The following NBN variants were observed in gnomAD, a reference collection of about 807,000 sequenced individuals.
The protein encoded by NBN is nibrin.
In NBN, 88 loss-of-function variants were observed where a neutral mutation model predicts 90.8. The observed-to-expected ratio is 0.97, with a 90% CI of 0.82 to 1.16. The LOEUF (loss-of-function observed/expected upper bound fraction) is 1.16. Among genes scored for constraint, NBN ranks in the 50% most tolerant of loss-of-function variants. The pLI, the probability that NBN is intolerant of heterozygous loss-of-function variation, is 0.00. For synonymous variants in NBN, 328 were observed against 295.1 expected (o/e 1.11, Z -1.14); for missense variants, 894 against 869.6 (o/e 1.03, Z -0.35).
At chr8:89,950,382 T>C (rs1407207600) in intron 11 of NBN, among the ~76,000 whole-genome samples, 1 of 152,228 alleles carries the variant, frequency 6.6e-6, no homozygotes, top group Admixed American at 6.5e-5. Flanking sequence ...AAGTGCTACG[T>C]AAGTAGTTGT....
chr8:89,974,692 G>C (rs1811673510), intron 5 of NBN, among the ~76,000 whole-genome samples: 1 of 152,178 alleles, frequency 6.6e-6, no homozygotes, highest in East Asian at 1.9e-4. Flanking sequence ...CACTGAACTT[G>C]GGAAACCACC....
rs1228430885 is a variant in NBN, at chr8:89,982,711, T to G, written c.171+11A>C. The G allele has an allele frequency of 6.2e-7, 1 of 1,609,828 alleles. No homozygotes were observed. Among genetic ancestry groups the G allele is most frequent in the Non-Finnish European group, 8.5e-7 (1 of 1,176,176 alleles). ...TTACTGGAAACTAGTGAAATAAAAT[T>G]AGTAACATACCAGGTTGGTTACAGA... is the stretch of plus-strand genomic sequence containing the variant. On this transcript the variant is annotated intron_variant, in intron 2 of 15. Transcript: ENST00000265433.
intron 15 of NBN, among the ~76,000 whole-genome samples, chr8:89,936,756 TACA>T (rs1809703357): frequency 6.6e-6 from 1 of 152,188 alleles, no homozygotes; most frequent in East Asian, 1.9e-4. Flanking sequence ...CACAAATCTA[TACA>T]ACAATTTCAC....
intron 7 of NBN, 84 bp downstream of exon 7, chr8:89,970,280 C>G (rs1195468396): frequency 3.3e-6 from 4 of 1,206,062 alleles, no homozygotes; most frequent in Non-Finnish European, 3.6e-6. Flanking sequence ...TCTACTTTTA[C>G]ATTGTTAGGT....
chr8:89,984,655 C>G lies in NBN; in HGVS notation c.-94G>C. The stretch of plus-strand genomic sequence containing the variant: ...ACGGCGCCTGCGGTCGGCATGGGCT[C>G]CGGGACGTGCGCGCTCCCGGGAGCC... On this transcript the variant is annotated 5_prime_UTR_variant, in exon 1 of 16. Coordinates refer to ENST00000265433, the MANE Select transcript of NBN (RefSeq NM_002485.5). 1 of 1,558,978 alleles carries G rather than the reference C, an allele frequency of 6.4e-7. No individual in the cohort carries two copies. The highest frequency in any genetic ancestry group is 8.7e-7 in the Non-Finnish European group (1 of 1,148,966).
rs769453547 is a variant in NBN, at chr8:89,955,526, T to C, written c.1154A>G (p.Lys385Arg). The stretch of plus-strand genomic sequence containing the variant: ...GAATTTTTGTTCCATTTTGGAGACT[T>C]TGATTTCTTTTGGCCTTTCACTCAA... Reference protein sequence around the residue: ...WDLSERPKEIKVSKMEQKFRM... With the variant: ...WDLSERPKEIRVSKMEQKFRM... The change falls in exon 10 of 16, where the codon AAA (lysine) becomes AGA (arginine). Residue 385 changes from lysine to arginine, a missense_variant. Coordinates refer to ENST00000265433, the MANE Select transcript of NBN (RefSeq NM_002485.5). 3 of 1,613,422 alleles carry C rather than the reference T, an allele frequency of 1.9e-6. No individual in the cohort carries two copies. Among genetic ancestry groups the C allele is most frequent in the Admixed American group, 3.3e-5 (2 of 59,914 alleles).
At position 89,971,231 on chromosome 8, in the gene NBN, C is replaced by T. The variant is rs61753718; in HGVS notation, c.644G>A (p.Arg215Gln). 42 of 1,613,014 alleles carry T rather than the reference C, an allele frequency of 2.6e-5. No homozygotes were observed. The highest frequency in any genetic ancestry group is 3.4e-5 in the Non-Finnish European group (40 of 1,179,488). The change falls in exon 6 of 16, where the codon CGG (arginine) becomes CAG (glutamine). Residue 215 changes from arginine to glutamine, a missense_variant. Physicochemically the swap from Arg to Gln is conservative, Grantham distance 43 (BLOSUM62 1). Coordinates refer to ENST00000265433, the MANE Select transcript of NBN (RefSeq NM_002485.5). ...TTTGAAGATTTGTTTTCTTTCCTGC[C>T]GTCCTGACAGATCAACATTTTTACT... ...IGSKNVDLSG[R>Q]QERKQIFKGK...
At chr8:89,939,335 T>A (rs1049294336) in intron 14 of NBN, among the ~76,000 whole-genome samples, 1 of 152,082 alleles carries the variant, frequency 6.6e-6, no homozygotes, top group Non-Finnish European at 1.5e-5. Context: ...AAGTCTGTTA[T>A]AGAGTAAGTC....
At chr8:89,939,832 GTAAACAACCTAA>G (rs1563502319) in intron 14 of NBN, among the ~76,000 whole-genome samples, 2 of 152,098 alleles carry the variant, frequency 1.3e-5, no homozygotes, top group Non-Finnish European at 2.9e-5. Flanking sequence ...AACAAATTAG[GTAAACAACCTAA>G]TAATGCTAGG....
At chr8:89,977,488 G>C (rs1563572454) in intron 5 of NBN, among the ~76,000 whole-genome samples, 1 of 152,100 alleles carries the variant, frequency 6.6e-6, no homozygotes, top group Non-Finnish European at 1.5e-5. Flanking sequence ...TGGGCATTTG[G>C]GTTGGTTCCA....
chr8:89,970,261 A>T (rs1255924415), intron 7 of NBN, 103 bp downstream of exon 7: 19 of 1,052,656 alleles, frequency 1.8e-5, no homozygotes, highest in Non-Finnish European at 2.4e-5. Context: ...AAAAAAAAAA[A>T]TTCTTGTATC....
rs864622167 is a variant in NBN at position 89,953,300 on chromosome 8, T to C, written c.1789A>G (p.Ile597Val). Residue 597 changes from isoleucine (I) to valine (V), a missense_variant, in exon 11 of 16, where the codon ATA becomes GTA. Coordinates refer to ENST00000265433, the MANE Select transcript of NBN (RefSeq NM_002485.5). ...TCACTGAAAGTGTCATTTGTTTCTA[T>C]ATCCATCCTTGGCCTTTTTCTAACA... The part of the protein sequence containing the change: ...VNVRKRPRMD[I>V]ETNDTFSDEA... 3.7e-6 allele frequency: 6 copies of C among 1,613,254 alleles called. No homozygotes were observed. Among genetic ancestry groups the C allele is most frequent in the South Asian group, 2.2e-5 (2 of 91,080 alleles).
At chr8:89,979,305 T>G (rs193295223) in intron 4 of NBN, among the ~76,000 whole-genome samples, 1 of 152,174 alleles carries the variant, frequency 6.6e-6, no homozygotes, top group Non-Finnish European at 1.5e-5. Flanking sequence ...TAACACAGGG[T>G]ATTTTATTGT....
intron 4 of NBN, among the ~76,000 whole-genome samples, chr8:89,980,271 C>T (rs1811994111): frequency 6.6e-6 from 1 of 152,086 alleles, no homozygotes; most frequent in Non-Finnish European, 1.5e-5. Context: ...TGGCTTTTTA[C>T]TATAGATATT....
intron 14 of NBN, chr8:89,937,339 C>G (rs543500604): frequency 2.2e-6 from 1 of 464,612 alleles, no homozygotes; most frequent in Non-Finnish European, 3.9e-6. Flanking sequence ...TGCTAGCTTG[C>G]TGAGTTTTTA....
rs1811458034 is a variant in NBN, at chr8:89,970,447, A to C, written c.813T>G (p.Val271=). 6.2e-7 allele frequency: 1 copy of C among 1,613,930 alleles called. No homozygotes were observed. The highest frequency in any genetic ancestry group is 8.5e-7 in the Non-Finnish European group (1 of 1,179,966). The change falls in exon 7 of 16, where the codon GTT becomes GTG. Residue 271 remains valine, a synonymous_variant. Coordinates refer to ENST00000265433, the MANE Select transcript of NBN (RefSeq NM_002485.5). Reference sequence around the variant, plus strand: ...TCTGTGAGTTTGTTATTCCTGTATCAACAACACACGTTCCCGGAGCCAAAA... The same window carrying C: ...TCTGTGAGTTTGTTATTCCTGTATCCACAACACACGTTCCCGGAGCCAAAA... The part of the protein sequence containing the change: ...NFFLAPGTCV[V]DTGITNSQTL...
rs931715719 is a variant in NBN, at chr8:89,982,721, C to A, written c.171+1G>T. 1 of 1,612,554 alleles carries A rather than the reference C, an allele frequency of 6.2e-7. No individual in the cohort carries two copies. Among genetic ancestry groups the A allele is most frequent in the Non-Finnish European group, 8.5e-7 (1 of 1,178,678 alleles). On this transcript the variant is annotated splice_donor_variant, in intron 2 of 15. Coordinates refer to ENST00000265433, the MANE Select transcript of NBN (RefSeq NM_002485.5). LOFTEE classifies it high-confidence loss of function. ...CTAGTGAAATAAAATTAGTAACATA[C>A]CAGGTTGGTTACAGAAAAGTTAGCA... is the stretch of plus-strand genomic sequence containing the variant.
At position 89,984,502 on chromosome 8, in the gene NBN, C is replaced by T. The variant is rs374247137; in HGVS notation, c.37+23G>A. 78 of 1,608,686 alleles carry T rather than the reference C, an allele frequency of 4.8e-5. No individual in the cohort carries two copies. In the African/African-American group the frequency reaches 1.0e-3, roughly 21 times the overall value. ...CAGTCGCTACCGGGAAAATAGGCCC[C>T]GAGGCTTCCCTTCTGCCCTTACCTC... On this transcript the variant is annotated intron_variant, in intron 1 of 15. Coordinates refer to ENST00000265433, the MANE Select transcript of NBN (RefSeq NM_002485.5).
Position 89,934,151 on chromosome 8 carries a change from C to T in NBN, c.*1431G>A, listed in dbSNP as rs1015549699. ...ACTGTAAAATGGAGACCATATGTTC[C>T]ACCAGCTTCACTTGGTAATTATGAT... is the stretch of plus-strand genomic sequence containing the variant. On this transcript the variant is annotated 3_prime_UTR_variant, in exon 16 of 16. Coordinates refer to ENST00000265433, the MANE Select transcript of NBN (RefSeq NM_002485.5). 1.3e-5 allele frequency: 3 copies of T among 230,828 alleles called. No individual in the cohort carries two copies. The highest frequency in any genetic ancestry group is 6.2e-5 in the East Asian group (1 of 16,178). 14.3% of individuals were successfully genotyped at this position (230,828 alleles called of 1,614,324 possible). A position where few individuals can be genotyped will look rare whatever the true frequency, so the allele number is the denominator to read the frequency against.
Sources: gnomAD v4.1 joint callset for allele counts (sites outside exome capture counted in the v4.1 genomes callset) on GRCh38, gnomAD v4.1.1 for gene constraint, MANE v1.5 for transcripts, NCBI Gene and HGNC (gene_info 2026-07-23, HGNC 2026-07-21) for gene names.